Variants in BPTF observed in about 807,000 individuals in gnomAD.
The protein encoded by BPTF is nucleosome-remodeling factor subunit BPTF.
Under a neutral mutation model 292.5 loss-of-function variants are expected in BPTF, and 18 were observed. That is an observed-to-expected ratio of 0.06 (90% CI 0.04 to 0.09). BPTF has a LOEUF of 0.09. BPTF is among the 10% of genes least tolerant of loss of function. The probability of loss-of-function intolerance (pLI) is 1.00; values close to 1 mark genes in which losing one functional copy is unlikely to be tolerated. For missense variants in BPTF, 2,726 were observed against 3,498.7 expected, an observed-to-expected ratio of 0.78 and a Z score of 5.57; for synonymous variants, 1,225 against 1,251.9, an observed-to-expected ratio of 0.98 and a Z score of 0.45.
At chr17:67,840,577 A>G (rs1279344809) in intron 1 of BPTF, among the ~76,000 whole-genome samples, 3 of 144,650 alleles carry the variant, frequency 2.1e-5, no homozygotes, top group Non-Finnish European at 4.5e-5. Flanking sequence ...TTTTTTAGAC[A>G]GTTTCCTTCT....
At chr17:67,926,473 C>T (rs578044236) in intron 15 of BPTF, among the ~76,000 whole-genome samples, 58 of 151,520 alleles carry the variant, frequency 3.8e-4, no homozygotes, top group African/African-American at 8.0e-4. Context: ...TATAGGCGCC[C>T]GCCACCACGC....
Position 67,945,563 on chromosome 17 carries a change from C to T in BPTF, c.6855C>T (p.Pro2285=), listed in dbSNP as rs1555674229. ...CTCAGCCCCAGCCCCAAACCCAGCC[C>T]CAGTCCCCAGCTCAGCCTGAAGTTC... The part of the protein sequence containing the change: ...PSAQPQPQTQ[P]QSPAQPEVQT... Residue 2285 remains proline, a synonymous_variant, in exon 21 of 28, where the codon CCC becomes CCT. Coordinates refer to ENST00000306378, the MANE Select transcript of BPTF (RefSeq NM_182641.4). 1 of 1,611,052 alleles carries T rather than the reference C, an allele frequency of 6.2e-7. No homozygotes were observed. The highest frequency in any genetic ancestry group is 1.1e-5 in the South Asian group (1 of 90,768).
At chr17:67,884,725 A>G (rs1303309449) in intron 4 of BPTF, among the ~76,000 whole-genome samples, 3 of 151,870 alleles carry the variant, frequency 2.0e-5, no homozygotes, top group Non-Finnish European at 4.4e-5. Flanking sequence ...CTTCATAGGC[A>G]TTTTCTTTGT....
chr17:67,829,055 TA>T (rs2056394526), intron 1 of BPTF, among the ~76,000 whole-genome samples: 1 of 152,230 alleles, frequency 6.6e-6, no homozygotes, highest in African/African-American at 2.4e-5. Context: ...TCATAATCTC[TA>T]AATACTTTGG....
In BPTF at chr17:67,964,311, A is replaced by T. The variant is rs782123010; in HGVS notation, c.8361A>T (p.Pro2787=). The change falls in exon 25 of 28, where the codon CCA becomes CCT. Residue 2787 remains proline (P), a synonymous_variant. Coordinates refer to ENST00000306378, the MANE Select transcript of BPTF (RefSeq NM_182641.4). ...EAELIDEYVC[P]QCQSTEDAMT... Reference sequence around the variant, plus strand: ...AGCTCATTGATGAGTATGTCTGTCCACAGTGCCAGTCAACAGAGGATGCCA... The same window carrying T: ...AGCTCATTGATGAGTATGTCTGTCCTCAGTGCCAGTCAACAGAGGATGCCA... 1 of 1,614,214 alleles carries T rather than the reference A, an allele frequency of 6.2e-7. No individual in the cohort carries two copies. Among genetic ancestry groups the T allele is most frequent in the East Asian group, 2.2e-5 (1 of 44,880 alleles).
At chr17:67,974,098 A>G (rs555542396) in intron 26 of BPTF, 1 of 152,274 alleles carries the variant, frequency 6.6e-6, no homozygotes, top group African/African-American at 2.4e-5. Context: ...ATATTCACTA[A>G]CCTTTAGTTT....
At chr17:67,952,943 A>C (rs2066517118) in intron 23 of BPTF, among the ~76,000 whole-genome samples, 1 of 152,142 alleles carries the variant, frequency 6.6e-6, no homozygotes, top group Non-Finnish European at 1.5e-5. Context: ...ATATATCAAT[A>C]AAGTTTTTGT....
intron 18 of BPTF, 84 bp downstream of exon 18, chr17:67,932,103 C>T (rs1050050975): frequency 1.6e-5 from 18 of 1,145,360 alleles, no homozygotes; most frequent in African/African-American, 3.1e-5. Context: ...GCACTACATA[C>T]GAGAAATATA....
intron 3 of BPTF, among the ~76,000 whole-genome samples, chr17:67,867,204 C>G (rs1373965528): frequency 3.3e-5 from 5 of 152,088 alleles, no homozygotes; most frequent in Non-Finnish European, 5.9e-5. Flanking sequence ...TGTTTTATTT[C>G]TGCCTTGGGT....
At chr17:67,846,889 C>T (rs2058067016) in intron 1 of BPTF, among the ~76,000 whole-genome samples, 3 of 152,116 alleles carry the variant, frequency 2.0e-5, no homozygotes, top group East Asian at 1.9e-4. Context: ...TTAGTAGAGA[C>T]AGGGTTTCGC....
At chr17:67,888,624 G>C (rs1198641802) in intron 4 of BPTF, among the ~76,000 whole-genome samples, 1 of 149,996 alleles carries the variant, frequency 6.7e-6, no homozygotes, top group Non-Finnish European at 1.5e-5. Context: ...TTAAATTCCA[G>C]TAGATCTCGA....
intron 23 of BPTF, chr17:67,951,424 C>T (rs2066345856): frequency 6.6e-6 from 1 of 152,178 alleles, no homozygotes; most frequent in African/African-American, 2.4e-5. Flanking sequence ...GGAGATTGGT[C>T]ATCAGTGTTT....
intron 27 of BPTF, chr17:67,981,984 AATATATATATATATATATATAT>A (rs35063149): frequency 8.0e-5 from 11 of 138,148 alleles, no homozygotes; most frequent in African/African-American, 8.6e-5. Context: ...TTATTAGACA[AATATATATATATATATATATAT>A]ATATATATAT....
rs2070673620 is a variant in BPTF, at chr17:67,984,163, ATC to A, written c.*1878_*1879del. On this transcript the variant is annotated 3_prime_UTR_variant, in exon 28 of 28. Coordinates refer to ENST00000306378, the MANE Select transcript of BPTF (RefSeq NM_182641.4). ...TTAATGAGTTATAAAATTATTCTGC[ATC>A]TCATCACGTCACAGTATTTCTGTAC... 1.3e-5 allele frequency: 2 copies of A among 152,600 alleles called. No individual in the cohort carries two copies. The highest frequency in any genetic ancestry group is 2.1e-4 in the South Asian group (1 of 4,836). The allele number at this position is 152,600 out of a possible 1,614,324, so 9.5% of individuals were successfully genotyped here. A position where few individuals can be genotyped will look rare whatever the true frequency, so the allele number is the denominator to read the frequency against.
intron 2 of BPTF, among the ~76,000 whole-genome samples, chr17:67,855,770 T>C (rs1200358595): frequency 6.6e-6 from 1 of 152,228 alleles, no homozygotes; most frequent in African/African-American, 2.4e-5. Context: ...CCTCTTCCAG[T>C]TCTTAGAATT....
intron 4 of BPTF, among the ~76,000 whole-genome samples, chr17:67,876,141 T>C (rs949977399): frequency 7.2e-5 from 11 of 152,254 alleles, no homozygotes; most frequent in African/African-American, 2.4e-5. Flanking sequence ...TCGTGTAATA[T>C]TTATAGCATT....
intron 18 of BPTF, among the ~76,000 whole-genome samples, chr17:67,935,269 T>C (rs991890340): frequency 6.6e-6 from 1 of 151,654 alleles, no homozygotes; most frequent in Admixed American, 6.6e-5. Flanking sequence ...ACAAAAAATT[T>C]CTAAAAAATT....
chr17:67,933,900 A>T (rs1310314614), intron 18 of BPTF, among the ~76,000 whole-genome samples: 3 of 151,504 alleles, frequency 2.0e-5, no homozygotes, highest in African/African-American at 7.3e-5. Context: ...CTCTACTAAA[A>T]ATATAAAAAT....
intron 4 of BPTF, 77 bp downstream of exon 4, chr17:67,875,097 A>G (rs2059975153): frequency 1.6e-6 from 2 of 1,265,342 alleles, no homozygotes; most frequent in East Asian, 2.4e-5. Flanking sequence ...TTGCAAAATG[A>G]AAGTGAAATA....
Sources: gnomAD v4.1 joint callset for allele counts (sites outside exome capture counted in the v4.1 genomes callset) on GRCh38, gnomAD v4.1.1 for gene constraint, MANE v1.5 for transcripts, NCBI Gene and HGNC (gene_info 2026-07-23, HGNC 2026-07-21) for gene names.